Variants in ZMYM1 observed in about 807,000 individuals in gnomAD.
The protein encoded by ZMYM1 is zinc finger MYM-type containing 1, also known as zinc finger MYM-type protein 1.
ZMYM1 carries 39 observed loss-of-function variants against 60.0 expected under a neutral mutation model. That is an observed-to-expected ratio of 0.65 (90% CI 0.50 to 0.85). The LOEUF (loss-of-function observed/expected upper bound fraction) is 0.85. Ranked by LOEUF, ZMYM1 falls within the 40% of genes least tolerant of loss-of-function variation. The pLI is 0.00. For synonymous variants in ZMYM1, 413 were observed against 454.0 expected (o/e 0.91, Z 1.15); for missense variants, 1,171 against 1,309.5 (o/e 0.89, Z 1.63).
chr1:35,064,891 G>C (rs1228384029), intron 1 of ZMYM1, among the ~76,000 whole-genome samples: 1 of 151,578 alleles, frequency 6.6e-6, no homozygotes, highest in Admixed American at 6.6e-5. Context: ...GTTTCACCGT[G>C]GTCTCTATCT....
intron 1 of ZMYM1, among the ~76,000 whole-genome samples, chr1:35,087,536 C>T (rs1317896523): frequency 6.6e-6 from 1 of 151,818 alleles, no homozygotes; most frequent in Admixed American, 6.6e-5. Context: ...AAGTGATTCT[C>T]TTGCCTCAGC....
At position 35,097,891 on chromosome 1, in the gene ZMYM1, C is replaced by T. The variant is rs1270841526; in HGVS notation, c.419+325C>T. 3.8e-4 allele frequency among the ~76,000 whole-genome samples: 58 copies of T among 152,292 alleles called. 1 individual carries two copies. On this transcript the variant is annotated intron_variant, in intron 4 of 9. Coordinates refer to ENST00000359858, the MANE Select transcript of ZMYM1 (RefSeq NM_024772.5). Reference sequence around the variant, plus strand: ...CTTGAACTCCTGACCTCAGGTGATCCGCTTGCCTTGGCCTCCCAAAGTGCT... The same window carrying T: ...CTTGAACTCCTGACCTCAGGTGATCTGCTTGCCTTGGCCTCCCAAAGTGCT...
In ZMYM1 at chr1:35,115,062, A is replaced by G. The variant is rs1261850245; in HGVS notation, c.3232A>G (p.Ile1078Val). The G allele has an allele frequency of 2.5e-6, 4 of 1,614,012 alleles. No homozygotes were observed. The highest frequency in any genetic ancestry group is 2.2e-5 in the East Asian group (1 of 44,868). ...KLLYIALSWP[I>V]TSASTENSFS... The stretch of plus-strand genomic sequence containing the variant: ...ATTATATATTGCTTTGTCTTGGCCA[A>G]TTACTTCAGCAAGTACTGAGAACTC... Residue 1078 changes from isoleucine to valine, a missense_variant, in exon 10 of 10, where the codon ATT becomes GTT. Coordinates refer to ENST00000359858, the MANE Select transcript of ZMYM1 (RefSeq NM_024772.5).
chr1:35,068,418 CAA>C (rs58187268), intron 1 of ZMYM1, among the ~76,000 whole-genome samples: 17 of 62,554 alleles, frequency 2.7e-4, no homozygotes, highest in Admixed American at 6.1e-4. Flanking sequence ...AACTCTGCCT[CAA>C]AAAAAAAAAA....
intron 4 of ZMYM1, among the ~76,000 whole-genome samples, chr1:35,103,336 G>T (rs948845561): frequency 6.6e-6 from 1 of 152,114 alleles, no homozygotes; most frequent in African/African-American, 2.4e-5. Flanking sequence ...AATATCTCAT[G>T]TAAATGGAAT....
chr1:35,088,919 C>G (rs1642835797), intron 1 of ZMYM1, among the ~76,000 whole-genome samples: 1 of 147,520 alleles, frequency 6.8e-6, no homozygotes, highest in Non-Finnish European at 1.5e-5. Context: ...TCAAGCAATT[C>G]TACTGTCTCA....
At chr1:35,111,533 G>A (rs1395809675) in intron 7 of ZMYM1, among the ~76,000 whole-genome samples, 1 of 152,168 alleles carries the variant, frequency 6.6e-6, no homozygotes, top group Admixed American at 6.5e-5. Context: ...GGGAAATTGT[G>A]TACAAAGGTA....
intron 2 of ZMYM1, among the ~76,000 whole-genome samples, chr1:35,094,972 A>G (rs1054289767): frequency 6.6e-6 from 1 of 152,192 alleles, no homozygotes. Context: ...AGCCTAAAGT[A>G]GATTAATATT....
Position 35,063,755 on chromosome 1 carries a change from A to C in ZMYM1, c.-301+3830A>C, listed in dbSNP as rs75569624. On this transcript the variant is annotated intron_variant, in intron 1 of 10. Coordinates refer to the ZMYM1 transcript ENST00000417119. ...TCTATCACAATATTACGTGAACAAG[A>C]TTCAAAGTTCTGAGAAGGATCACCT... is the stretch of plus-strand genomic sequence containing the variant. Among the ~76,000 whole-genome samples, 610 of 152,334 alleles carry C rather than the reference A, an allele frequency of 4.0e-3. 4 individuals carry two copies. The highest frequency in any genetic ancestry group is 5.6e-3 in the South Asian group (27 of 4,830).
intron 1 of ZMYM1, among the ~76,000 whole-genome samples, chr1:35,065,845 G>T (rs879256334): frequency 1.3e-5 from 2 of 151,884 alleles, no homozygotes; most frequent in Admixed American, 1.3e-4. Context: ...TTAATATCAG[G>T]AATGAAAGAG....
upstream of ZMYM1, among the ~76,000 whole-genome samples, chr1:35,075,419 C>T (rs954618070): frequency 8.5e-5 from 13 of 152,148 alleles, no homozygotes; most frequent in African/African-American, 3.1e-4. Flanking sequence ...GCAACCTCTG[C>T]CTCCTGGGTT....
chr1:35,098,423 T>A (rs1237602633), intron 4 of ZMYM1, among the ~76,000 whole-genome samples: 2 of 152,234 alleles, frequency 1.3e-5, no homozygotes, highest in Admixed American at 1.3e-4. Flanking sequence ...TTAAATGTTC[T>A]TGTTCAGAAC....
chr1:35,110,386 G>C lies in ZMYM1; in HGVS notation c.900G>C (p.Glu300Asp). 6.3e-7 allele frequency: 1 copy of C among 1,592,558 alleles called. No homozygotes were observed. The highest frequency in any genetic ancestry group is 8.5e-7 in the Non-Finnish European group (1 of 1,170,800). ...IETTSDLGKT[E>D]LFCSINCFSA... ...CTACGAGTGATTTGGGGAAGACAGA[G>C]CTTTTCTGCTCTATTAATTGTTTCT... The change falls in exon 7 of 10, where the codon GAG (glutamate) becomes GAC (aspartate). Residue 300 changes from glutamate to aspartate, a missense_variant. Transcript: ENST00000359858.
intron 1 of ZMYM1, among the ~76,000 whole-genome samples, chr1:35,092,009 TCTGCCTCCCGTTTTCAAGTGATTCTC>T (rs1281038771): frequency 6.6e-6 from 1 of 151,706 alleles, no homozygotes; most frequent in African/African-American, 2.4e-5. Context: ...GACTGCAACC[TCTGCCTCCCGTTTTCAAGTGATTCTC>T]CTGCCTCAGC....
chr1:35,080,773 A>T (rs1228230965), intron 1 of ZMYM1, among the ~76,000 whole-genome samples: 3 of 151,940 alleles, frequency 2.0e-5, no homozygotes, highest in African/African-American at 7.3e-5. Context: ...ACTGGTTGGG[A>T]CATCCTACTC....
chr1:35,113,676 C>T lies in ZMYM1; in HGVS notation c.1846C>T (p.Gln616Ter). ...ACAAGTTGACTTCTATAACAGTACA[C>T]AAATTCAAAGTGATATTATCGAAAT... is the stretch of plus-strand genomic sequence containing the variant. ...NSQVDFYNST[Q>*]IQSDIIEIIK... The change falls in exon 10 of 10, where the codon CAA (glutamine) becomes TAA (stop). Residue 616 changes from glutamine (Q) to a stop codon, truncating the protein, a stop_gained. Transcript: ENST00000359858. LOFTEE classifies it high-confidence loss of function. 1 of 1,613,446 alleles carries T rather than the reference C, an allele frequency of 6.2e-7. No homozygotes were observed. Among genetic ancestry groups the T allele is most frequent in the Non-Finnish European group, 8.5e-7 (1 of 1,179,750 alleles).
intron 6 of ZMYM1, among the ~76,000 whole-genome samples, chr1:35,106,418 G>GGCC (rs1643890434): frequency 1.3e-5 from 2 of 152,030 alleles, no homozygotes; most frequent in Non-Finnish European, 2.9e-5. Flanking sequence ...AGACCAGCCT[G>GGCC]GCCAACATGG....
intron 1 of ZMYM1, among the ~76,000 whole-genome samples, chr1:35,087,035 C>G (rs1302972988): frequency 1.4e-5 from 2 of 138,190 alleles, no homozygotes; most frequent in South Asian, 2.4e-4. Flanking sequence ...CTGTCGTACC[C>G]AGGCTGGAGT....
intron 1 of ZMYM1, among the ~76,000 whole-genome samples, chr1:35,063,114 G>A (rs1444633728): frequency 6.7e-6 from 1 of 150,186 alleles, no homozygotes; most frequent in Non-Finnish European, 1.5e-5. Context: ...GTTTTAATAG[G>A]TCAAGCCTTT....
Sources: gnomAD v4.1 joint callset for allele counts (sites outside exome capture counted in the v4.1 genomes callset) on GRCh38, gnomAD v4.1.1 for gene constraint, MANE v1.5 for transcripts, NCBI Gene and HGNC (gene_info 2026-07-23, HGNC 2026-07-21) for gene names.